OGFOD3: variants seen among roughly 807,000 people sequenced by gnomAD.
OGFOD3 encodes 2-oxoglutarate and iron-dependent oxygenase domain-containing protein 3.
In OGFOD3, 35 loss-of-function variants were observed where a neutral mutation model predicts 39.8. The ratio of observed to expected loss-of-function variants is 0.88; its 90% CI spans 0.67 to 1.17. The LOEUF is 1.17. Among genes scored for constraint, OGFOD3 ranks in the 50% most tolerant of loss-of-function variants. OGFOD3 has a pLI of 0.00. For synonymous variants in OGFOD3, 200 were observed against 192.0 expected, an observed-to-expected ratio of 1.04 and a Z score of -0.34; for missense variants, 438 against 454.5, an observed-to-expected ratio of 0.96 and a Z score of 0.33.
chr17:82,398,455 A>C, intron 7 of OGFOD3, 136 bp from the exon 8 acceptor site: 1 of 1,033,424 alleles, frequency 9.7e-7, no homozygotes, highest in Non-Finnish European at 1.4e-6. Context: ...GCTGGAGTGC[A>C]GTGATGCGAT....
rs1313013001 is a variant in OGFOD3 at position 82,404,861 on chromosome 17, C to T, written c.545+463G>A. ...GTTTAAGCAATTGTCCTGCCTCAGC[C>T]TCCGGGGTAGCTGGGATTACAGGCA... On this transcript the variant is annotated intron_variant, in intron 6 of 8. Transcript: ENST00000313056. This position sits in a 1 kb window ranked among gnomAD's most constrained non-coding sequence, Gnocchi z 4.5. Among the ~76,000 whole-genome samples the T allele has an allele frequency of 6.6e-6, 1 of 151,808 alleles. No individual in the cohort carries two copies. Among genetic ancestry groups the T allele is most frequent in the Non-Finnish European group, 1.5e-5 (1 of 67,974 alleles).
At chr17:82,403,016 C>T (rs1233952719) in intron 7 of OGFOD3, among the ~76,000 whole-genome samples, 1 of 152,152 alleles carries the variant, frequency 6.6e-6, no homozygotes, top group Non-Finnish European at 1.5e-5. Context: ...GCCATGACTG[C>T]ACACCTGCAC....
At chr17:82,398,175 G>A (rs750939767) in intron 8 of OGFOD3, 21 bp downstream of exon 8, 12 of 1,613,580 alleles carry the variant, frequency 7.4e-6, no homozygotes, top group Non-Finnish European at 1.0e-5. Flanking sequence ...CCCACGCCCA[G>A]GCCCCGCCCG....
intron 2 of OGFOD3, among the ~76,000 whole-genome samples, chr17:82,412,203 T>A (rs1357220777): frequency 6.6e-6 from 1 of 152,112 alleles, no homozygotes; most frequent in East Asian, 1.9e-4. Flanking sequence ...CATGCCCCTG[T>A]CTCTCCCCGT....
At position 82,403,954 on chromosome 17, in the gene OGFOD3, GC is replaced by G; in HGVS notation, c.681del (p.Trp227CysfsTer8). 2 of 1,606,150 alleles carry G rather than the reference GC, an allele frequency of 1.2e-6. No homozygotes were observed. The highest frequency in any genetic ancestry group is 1.7e-6 in the Non-Finnish European group (2 of 1,177,470). On this transcript the variant is annotated frameshift_variant, in exon 7 of 9. Coordinates refer to ENST00000313056, the MANE Select transcript of OGFOD3 (RefSeq NM_024648.3). LOFTEE classifies it high-confidence loss of function. ...GCGCTCACCTTGTCCACGTGCGCAT[GC>G]CAGTACTCGTCGTGCGCCGTCCGCG... is the stretch of plus-strand genomic sequence containing the variant. ...TEARTAHDEY[W>X]HAHVDKVTYG...
chr17:82,394,443 C>T (rs774993583), intron 8 of OGFOD3: 9 of 1,613,676 alleles, frequency 5.6e-6, no homozygotes, highest in African/African-American at 5.3e-5. Flanking sequence ...GGTGAGTCCC[C>T]GGAGGACACC....
intron 7 of OGFOD3, among the ~76,000 whole-genome samples, chr17:82,398,857 G>A (rs902999607): frequency 1.3e-4 from 19 of 148,934 alleles, no homozygotes; most frequent in African/African-American, 4.5e-4. Context: ...ACAGGCGCAC[G>A]ACACTACAAC....
chr17:82,405,244 C>G (rs2052836809), intron 6 of OGFOD3, 80 bp downstream of exon 6: 1 of 1,294,178 alleles, frequency 7.7e-7, no homozygotes, highest in Non-Finnish European at 1.1e-6. Flanking sequence ...TGGGGCCTCC[C>G]CGGACCGGCC....
chr17:82,418,058 C>T (rs895152284), intron 1 of OGFOD3, among the ~76,000 whole-genome samples: 1 of 152,240 alleles, frequency 6.6e-6, no homozygotes, highest in Non-Finnish European at 1.5e-5. Flanking sequence ...CTGGCTCAGG[C>T]GGACTTTCCA....
intron 2 of OGFOD3, among the ~76,000 whole-genome samples, chr17:82,412,629 CAGGGCA>C (rs1001425624): frequency 4.0e-5 from 6 of 151,646 alleles, no homozygotes; most frequent in African/African-American, 1.5e-4. Flanking sequence ...GCAGGGTGGT[CAGGGCA>C]GGGGCAGGGT....
At chr17:82,394,424 C>T (rs79314916) in intron 8 of OGFOD3, 22,351 of 1,613,148 alleles carry the variant, frequency 0.014, 202 homozygotes, top group Non-Finnish European at 0.017. Flanking sequence ...TCTCCCCTCT[C>T]GGGCGGGTGG....
intron 3 of OGFOD3, among the ~76,000 whole-genome samples, chr17:82,409,667 C>A (rs150092920): frequency 6.6e-6 from 1 of 152,278 alleles, no homozygotes; most frequent in Non-Finnish European, 1.5e-5. Flanking sequence ...GAGGCCAAGG[C>A]GGGTGGATCA....
chr17:82,410,519 G>A (rs1005064805), intron 3 of OGFOD3, among the ~76,000 whole-genome samples: 6 of 152,136 alleles, frequency 3.9e-5, no homozygotes, highest in African/African-American at 1.2e-4. Flanking sequence ...GACACTGAGC[G>A]GTCATTGAGC....
At chr17:82,395,119 C>T (rs1381267706) in intron 8 of OGFOD3, among the ~76,000 whole-genome samples, 5 of 152,200 alleles carry the variant, frequency 3.3e-5, no homozygotes, top group African/African-American at 1.2e-4. Context: ...GCAACCTCCT[C>T]CTCCCAGGCT....
chr17:82,392,109 C>T lies in OGFOD3; in HGVS notation c.*289G>A. ...GGTTGCTGAACCTGGGTGGATGAGTCCCGTCCATTCACAGATGGGGACTTG... is the reference window on the plus strand; with the variant it reads ...GGTTGCTGAACCTGGGTGGATGAGTTCCGTCCATTCACAGATGGGGACTTG... On this transcript the variant is annotated 3_prime_UTR_variant, in exon 9 of 9. Transcript: ENST00000313056. This position sits in a 1 kb window ranked among gnomAD's most constrained non-coding sequence, Gnocchi z 4.2. The T allele has an allele frequency of 4.3e-6, 2 of 460,898 alleles. No homozygotes were observed. Among genetic ancestry groups the T allele is most frequent in the Non-Finnish European group, 7.8e-6 (2 of 257,472 alleles). 28.6% of individuals were successfully genotyped at this position (460,898 alleles called of 1,614,324 possible).
At chr17:82,414,499 T>C (rs1167772662) in intron 2 of OGFOD3, among the ~76,000 whole-genome samples, 1 of 152,220 alleles carries the variant, frequency 6.6e-6, no homozygotes, top group Admixed American at 6.5e-5. Context: ...TGCTCCGTGC[T>C]AGCATTCAAA....
chr17:82,405,246 G>T (rs999921184), intron 6 of OGFOD3, 78 bp downstream of exon 6: 1 of 1,307,702 alleles, frequency 7.6e-7, no homozygotes, highest in Admixed American at 1.7e-5. Flanking sequence ...GGGCCTCCCC[G>T]GACCGGCCAG....
rs2053027148 is a variant in OGFOD3 at position 82,415,978 on chromosome 17, C to T, written c.75-351G>A. Among the ~76,000 whole-genome samples the T allele has an allele frequency of 6.6e-6, 1 of 152,062 alleles. No homozygotes were observed. The highest frequency in any genetic ancestry group is 1.5e-5 in the Non-Finnish European group (1 of 68,014). On this transcript the variant is annotated intron_variant, in intron 1 of 8. Transcript: ENST00000313056. The surrounding 1 kb of genome is among the most constrained non-coding windows in gnomAD (Gnocchi z 5.3). Reference sequence around the variant, plus strand: ...GCGCAGTGGCTTATGCCTGTAATCCCAGCACCTGGGGAGGCCAAGGCGGGC... The same window carrying T: ...GCGCAGTGGCTTATGCCTGTAATCCTAGCACCTGGGGAGGCCAAGGCGGGC...
intron 2 of OGFOD3, among the ~76,000 whole-genome samples, chr17:82,412,264 T>G: frequency 6.7e-6 from 1 of 150,046 alleles, no homozygotes; most frequent in African/African-American, 2.5e-5. Context: ...GCAGCTCAAA[T>G]GGGGGTCAGG....
Sources: allele counts gnomAD v4.1 joint callset (sites outside exome capture counted in the v4.1 genomes callset), GRCh38; gene constraint gnomAD v4.1.1; non-coding constraint Gnocchi (gnomAD v3.1); transcripts MANE v1.5; gene names NCBI Gene and HGNC (gene_info 2026-07-23, HGNC 2026-07-21).